The following CHCHD6 variants were observed in gnomAD, a reference collection of about 807,000 sequenced individuals.
CHCHD6 encodes the protein MICOS complex subunit MIC25.
Under a neutral mutation model 32.3 loss-of-function variants are expected in CHCHD6, and 28 were observed. The ratio of observed to expected loss-of-function variants is 0.87; its 90% CI spans 0.64 to 1.19. The LOEUF is 1.19. CHCHD6 is among the 50% of genes most tolerant of loss of function. The pLI is 0.00. For synonymous variants in CHCHD6, 122 were observed against 117.5 expected (o/e 1.04, Z -0.25); for missense variants, 333 against 307.0 (o/e 1.08, Z -0.63).
chr3:126,935,245 T>C, intron 6 of CHCHD6: 2 of 729,604 alleles, frequency 2.7e-6, no homozygotes, highest in African/African-American at 3.8e-5. Flanking sequence ...GTATCCCAGA[T>C]GTGGTGTTCC....
At chr3:126,817,119 G>A (rs1351972430) in intron 4 of CHCHD6, among the ~76,000 whole-genome samples, 1 of 152,156 alleles carries the variant, frequency 6.6e-6, no homozygotes, top group Non-Finnish European at 1.5e-5. Context: ...GGGTAAGGAG[G>A]CTTCTTTACC....
rs371122348 is a variant in CHCHD6 at position 126,852,776 on chromosome 3, G to A, written c.495+46G>A. On this transcript the variant is annotated intron_variant, in intron 5 of 7. Coordinates refer to ENST00000290913, the MANE Select transcript of CHCHD6 (RefSeq NM_032343.3). ...CATTCCTCGGGGCCAGGTCCTAAAG[G>A]CATCTGACCAGAACACATCACTGTC... The A allele has an allele frequency of 3.8e-6, 5 of 1,324,786 alleles. No individual in the cohort carries two copies. In the Admixed American group the frequency reaches 5.1e-5, roughly 14 times the overall value. 82.1% of individuals were successfully genotyped at this position (1,324,786 alleles called of 1,614,324 possible).
chr3:126,781,045 C>G (rs1937915982), intron 4 of CHCHD6, among the ~76,000 whole-genome samples: 1 of 152,178 alleles, frequency 6.6e-6, no homozygotes, highest in East Asian at 1.9e-4. Flanking sequence ...CTCAGACCCA[C>G]CACTGTAAAG....
At chr3:126,865,818 A>C in intron 5 of CHCHD6, 8 of 849,108 alleles carry the variant, frequency 9.4e-6, no homozygotes, top group Non-Finnish European at 1.1e-5. Context: ...TCTCACACTA[A>C]TCTCTGAGGT....
At chr3:126,783,698 G>A (rs1422049384) in intron 4 of CHCHD6, among the ~76,000 whole-genome samples, 1 of 150,644 alleles carries the variant, frequency 6.6e-6, no homozygotes, top group East Asian at 1.9e-4. Context: ...TCAACTTTAG[G>A]TTTTGAGATG....
chr3:126,912,339 G>A (rs1415455471), intron 5 of CHCHD6, among the ~76,000 whole-genome samples: 2 of 152,144 alleles, frequency 1.3e-5, no homozygotes, highest in African/African-American at 4.8e-5. Flanking sequence ...GCCTCGCCCA[G>A]GACAGGCAGT....
At chr3:126,862,416 C>T (rs1576512886) in intron 5 of CHCHD6, among the ~76,000 whole-genome samples, 1 of 137,620 alleles carries the variant, frequency 7.3e-6, no homozygotes, top group Non-Finnish European at 1.6e-5. Flanking sequence ...CCTCCTCCTC[C>T]ACCATCACCA....
At position 126,842,493 on chromosome 3, in the gene CHCHD6, A is replaced by G. The variant is rs138332085; in HGVS notation, c.412-10154A>G. On this transcript the variant is annotated intron_variant, in intron 4 of 7. Transcript: ENST00000290913. ...TCAGGATGGAATGACGTGGTCCCCA[A>G]ATGTGAGGTTGCTGACCTGGGAGTC... 7.6e-3 allele frequency among the ~76,000 whole-genome samples: 1,161 copies of G among 152,276 alleles called. 6 individuals carry two copies. Among genetic ancestry groups the G allele is most frequent in the Non-Finnish European group, 0.013 (876 of 68,012 alleles).
intron 4 of CHCHD6, among the ~76,000 whole-genome samples, chr3:126,820,141 C>T (rs1273807022): frequency 2.0e-5 from 3 of 152,360 alleles, no homozygotes; most frequent in African/African-American, 4.8e-5. Flanking sequence ...ACTAGAGACA[C>T]TTACTGTAAT....
At chr3:126,946,799 G>T (rs761455221) in intron 6 of CHCHD6, among the ~76,000 whole-genome samples, 2 of 152,214 alleles carry the variant, frequency 1.3e-5, no homozygotes, top group Non-Finnish European at 2.9e-5. Context: ...AATTCACTCG[G>T]AATCTCCTTA....
intron 4 of CHCHD6, among the ~76,000 whole-genome samples, chr3:126,747,903 C>T (rs1936568420): frequency 6.6e-6 from 1 of 152,170 alleles, no homozygotes. Flanking sequence ...GCAGTTCGTG[C>T]TCTCTGACCT....
At chr3:126,732,028 A>T (rs1935826177) in intron 3 of CHCHD6, among the ~76,000 whole-genome samples, 1 of 146,880 alleles carries the variant, frequency 6.8e-6, no homozygotes, top group South Asian at 2.3e-4. Flanking sequence ...ACAGTGAGTT[A>T]TGATTGCACC....
At chr3:126,853,126 T>G (rs1941534792) in intron 5 of CHCHD6, among the ~76,000 whole-genome samples, 1 of 152,072 alleles carries the variant, frequency 6.6e-6, no homozygotes, top group African/African-American at 2.4e-5. Context: ...ACAAATACAT[T>G]AAAGTTTTAT....
chr3:126,730,712 T>A, intron 3 of CHCHD6, 82 bp downstream of exon 3: 1 of 1,184,038 alleles, frequency 8.4e-7, no homozygotes, highest in Non-Finnish European at 1.2e-6. Context: ...TCTCCTTGCC[T>A]GAAGCCCTGG....
intron 4 of CHCHD6, among the ~76,000 whole-genome samples, chr3:126,843,470 G>A (rs1576483623): frequency 6.6e-6 from 1 of 152,144 alleles, no homozygotes; most frequent in African/African-American, 2.4e-5. Flanking sequence ...GATAAAATTG[G>A]TGAAGCCATC....
chr3:126,895,236 T>C (rs2077821461), intron 5 of CHCHD6, among the ~76,000 whole-genome samples: 1 of 152,228 alleles, frequency 6.6e-6, no homozygotes, highest in South Asian at 2.1e-4. Context: ...CTCATTTTGC[T>C]AGAACCCGGA....
At chr3:126,779,339 C>T (rs1187647615) in intron 4 of CHCHD6, among the ~76,000 whole-genome samples, 1 of 151,932 alleles carries the variant, frequency 6.6e-6, no homozygotes, top group Non-Finnish European at 1.5e-5. Flanking sequence ...GAGTTTGAGA[C>T]CAGCCTGACC....
intron 5 of CHCHD6, among the ~76,000 whole-genome samples, chr3:126,862,740 C>CTCT (rs1941985084): frequency 1.7e-5 from 1 of 58,610 alleles, no homozygotes; most frequent in Non-Finnish European, 3.1e-5. Flanking sequence ...CCTCCTCCTC[C>CTCT]ACCATCACCA....
intron 6 of CHCHD6, 42 bp downstream of exon 6, chr3:126,914,792 T>G: frequency 8.4e-7 from 1 of 1,186,068 alleles, no homozygotes; most frequent in Non-Finnish European, 1.3e-6. Context: ...TGGCCCACAA[T>G]TGTAAAAATT....
Sources: gnomAD v4.1 joint callset for allele counts (sites outside exome capture counted in the v4.1 genomes callset) on GRCh38, gnomAD v4.1.1 for gene constraint, MANE v1.5 for transcripts, NCBI Gene and HGNC (gene_info 2026-07-23, HGNC 2026-07-21) for gene names.